C8orf34: variants seen among roughly 807,000 people sequenced by gnomAD.
C8orf34 encodes the protein chromosome 8 open reading frame 34, also known as uncharacterized protein C8orf34.
C8orf34 carries 65 observed loss-of-function variants against 68.3 expected under a neutral mutation model. The ratio of observed to expected loss-of-function variants is 0.95; its 90% CI spans 0.78 to 1.17. The LOEUF is 1.17. Ranked by LOEUF, C8orf34 falls within the 50% of genes most tolerant of loss-of-function variation. C8orf34 has a pLI of 0.00. For missense variants in C8orf34, 664 were observed against 655.4 expected (o/e 1.01, Z -0.14); for synonymous variants, 244 against 241.2 (o/e 1.01, Z -0.11).
At chr8:68,577,314 A>G (rs906378834) in intron 7 of C8orf34, among the ~76,000 whole-genome samples, 1 of 152,044 alleles carries the variant, frequency 6.6e-6, no homozygotes, top group Non-Finnish European at 1.5e-5. Flanking sequence ...AATTTAATTT[A>G]AGTGATTTAG....
intron 8 of C8orf34, among the ~76,000 whole-genome samples, chr8:68,642,996 C>G (rs184914800): frequency 1.1e-4 from 17 of 152,292 alleles, no homozygotes; most frequent in African/African-American, 4.1e-4. Flanking sequence ...TAGTAATGCT[C>G]CCTTGCCTGC....
intron 5 of C8orf34, among the ~76,000 whole-genome samples, chr8:68,489,699 AAATT>A (rs1171316901): frequency 1.3e-5 from 2 of 152,152 alleles, no homozygotes; most frequent in African/African-American, 4.8e-5. Flanking sequence ...TCAGATTTTC[AAATT>A]AGGGATGCTC....
intron 4 of C8orf34, among the ~76,000 whole-genome samples, chr8:68,484,137 T>G (rs1348525783): frequency 6.6e-6 from 1 of 152,152 alleles, no homozygotes. Flanking sequence ...GAACTAGCAG[T>G]CAAATGGCGA....
chr8:68,682,117 A>ACTGTAGTGCTGTAGT (rs1319348423), intron 8 of C8orf34, among the ~76,000 whole-genome samples: 1 of 152,120 alleles, frequency 6.6e-6, no homozygotes, highest in African/African-American at 2.4e-5. Flanking sequence ...TAACAAGATG[A>ACTGTAGTGCTGTAGT]CTGTAGTGCT....
intron 10 of C8orf34, among the ~76,000 whole-genome samples, chr8:68,727,857 C>T (rs540063830): frequency 3.9e-5 from 6 of 152,166 alleles, no homozygotes; most frequent in Non-Finnish European, 8.8e-5. Flanking sequence ...AGCCCATCCT[C>T]CTGGGCCTGT....
chr8:68,386,233 A>G (rs1808254966), intron 1 of C8orf34, among the ~76,000 whole-genome samples: 1 of 152,226 alleles, frequency 6.6e-6, no homozygotes, highest in African/African-American at 2.4e-5. Context: ...ACATTAAAAC[A>G]AAACAAAACA....
intron 8 of C8orf34, among the ~76,000 whole-genome samples, chr8:68,689,610 A>G (rs1227023471): frequency 6.6e-6 from 1 of 152,042 alleles, no homozygotes; most frequent in African/African-American, 2.4e-5. Context: ...CTTACTTAAT[A>G]TAGAATACTA....
chr8:68,520,596 G>T (rs1318736997), intron 5 of C8orf34, among the ~76,000 whole-genome samples: 3 of 150,326 alleles, frequency 2.0e-5, no homozygotes, highest in African/African-American at 7.3e-5. Context: ...GACTACAGGT[G>T]CCCGCCATCA....
intron 4 of C8orf34, 148 bp from the exon 5 acceptor site, chr8:68,487,875 T>A (rs1407314232): frequency 1.8e-6 from 1 of 550,440 alleles, no homozygotes; most frequent in Non-Finnish European, 3.3e-6. Context: ...GGTAAAAGGA[T>A]GTGCCACATT....
chr8:68,408,986 A>G (rs1809326923), intron 1 of C8orf34, among the ~76,000 whole-genome samples: 1 of 152,008 alleles, frequency 6.6e-6, no homozygotes, highest in African/African-American at 2.4e-5. Flanking sequence ...ACGCGGTTTC[A>G]CCATGTTGGC....
At chr8:68,804,165 T>C (rs968162333) in intron 12 of C8orf34, among the ~76,000 whole-genome samples, 2 of 152,216 alleles carry the variant, frequency 1.3e-5, no homozygotes, top group African/African-American at 2.4e-5. Context: ...CATTTTCTCA[T>C]TTAAGGCCCT....
intron 12 of C8orf34, among the ~76,000 whole-genome samples, chr8:68,801,774 T>C (rs191756220): frequency 6.6e-6 from 1 of 152,314 alleles, no homozygotes; most frequent in Admixed American, 6.5e-5. Flanking sequence ...AATACGATGC[T>C]TTAATTTGAA....
At chr8:68,605,268 A>G (rs917357591) in intron 7 of C8orf34, among the ~76,000 whole-genome samples, 1 of 152,160 alleles carries the variant, frequency 6.6e-6, no homozygotes, top group Non-Finnish European at 1.5e-5. Context: ...TAGGAATGCG[A>G]AATAGTACAG....
intron 4 of C8orf34, among the ~76,000 whole-genome samples, chr8:68,484,719 A>T (rs1000773478): frequency 1.3e-5 from 2 of 152,216 alleles, no homozygotes; most frequent in Non-Finnish European, 2.9e-5. Context: ...TTCCCATTAG[A>T]GCTTCATGCC....
chr8:68,358,649 AATTT>A (rs1047646105), intron 1 of C8orf34, among the ~76,000 whole-genome samples: 30 of 151,706 alleles, frequency 2.0e-4, no homozygotes, highest in African/African-American at 6.5e-4. Flanking sequence ...TACAATTGGC[AATTT>A]ATTCTTTTTT....
intron 8 of C8orf34, among the ~76,000 whole-genome samples, chr8:68,664,126 T>C (rs886366859): frequency 7.9e-5 from 12 of 152,188 alleles, no homozygotes; most frequent in African/African-American, 2.9e-4. Flanking sequence ...TGAGGGTCTA[T>C]GGAGTTTATG....
intron 7 of C8orf34, among the ~76,000 whole-genome samples, chr8:68,621,233 G>A (rs16934789): frequency 0.14 from 21,657 of 152,052 alleles, 1,619 homozygotes; most frequent in Admixed American, 0.21. Flanking sequence ...TGGTGCTTTG[G>A]TGCTCCAGCA....
At chr8:68,783,291 G>A (rs887430740) in intron 11 of C8orf34, among the ~76,000 whole-genome samples, 8 of 151,930 alleles carry the variant, frequency 5.3e-5, no homozygotes, top group South Asian at 2.1e-4. Context: ...AGGCCAAGGC[G>A]GGTGGATCAC....
At chr8:68,585,122 G>C (rs2130380811) in intron 7 of C8orf34, among the ~76,000 whole-genome samples, 1 of 152,192 alleles carries the variant, frequency 6.6e-6, no homozygotes, top group East Asian at 1.9e-4. Flanking sequence ...GCTCAGCACT[G>C]GGCAGTCTGA....
Sources: gnomAD v4.1 joint callset for allele counts (sites outside exome capture counted in the v4.1 genomes callset) on GRCh38, gnomAD v4.1.1 for gene constraint, MANE v1.5 for transcripts, NCBI Gene and HGNC (gene_info 2026-07-23, HGNC 2026-07-21) for gene names.